Variants in ERC2 observed in about 807,000 individuals in gnomAD.
The protein encoded by ERC2 is ERC protein 2.
In ERC2, 42 loss-of-function variants were observed where a neutral mutation model predicts 114.8. That is an observed-to-expected ratio of 0.37 (90% CI 0.29 to 0.47). ERC2 has a LOEUF of 0.47. ERC2 is among the 20% of genes least tolerant of loss of function. The pLI is 0.99. For missense variants in ERC2, 939 were observed against 1,150.7 expected (o/e 0.82, Z 2.66); for synonymous variants, 454 against 425.5 (o/e 1.07, Z -0.82).
intron 17 of ERC2, among the ~76,000 whole-genome samples, chr3:55,666,935 C>T (rs1408837642): frequency 6.7e-6 from 1 of 149,726 alleles, no homozygotes; most frequent in South Asian, 2.1e-4. Context: ...TATTAATATA[C>T]ATAATATTAG....
intron 3 of ERC2, among the ~76,000 whole-genome samples, chr3:56,233,937 G>C (rs1258794001): frequency 6.6e-6 from 1 of 152,132 alleles, no homozygotes; most frequent in East Asian, 1.9e-4. Context: ...GGGCTCACTT[G>C]TATAATCTAG....
intron 17 of ERC2, among the ~76,000 whole-genome samples, chr3:55,632,310 G>T (rs2059788172): frequency 6.6e-6 from 1 of 152,222 alleles, no homozygotes; most frequent in East Asian, 1.9e-4. Flanking sequence ...TCTTGGTCCA[G>T]TTGTACCTGA....
At chr3:55,783,050 T>G (rs1286610673) in intron 14 of ERC2, among the ~76,000 whole-genome samples, 1 of 152,224 alleles carries the variant, frequency 6.6e-6, no homozygotes, top group African/African-American at 2.4e-5. Flanking sequence ...TGCCACAGAA[T>G]GGGGCACTTT....
chr3:56,038,750 G>A (rs991694936), intron 7 of ERC2, among the ~76,000 whole-genome samples: 1 of 152,174 alleles, frequency 6.6e-6, no homozygotes, highest in Non-Finnish European at 1.5e-5. Flanking sequence ...ATATTATGCA[G>A]CCATAAAAAG....
chr3:55,880,796 A>G (rs932253021), intron 14 of ERC2, among the ~76,000 whole-genome samples: 4 of 152,092 alleles, frequency 2.6e-5, no homozygotes, highest in African/African-American at 7.2e-5. Context: ...ATAGCAAAAA[A>G]AAAAAAGAAA....
chr3:56,065,233 T>C (rs1394754845), intron 7 of ERC2, among the ~76,000 whole-genome samples: 1 of 152,142 alleles, frequency 6.6e-6, no homozygotes, highest in Non-Finnish European at 1.5e-5. Flanking sequence ...TTTTTTTTCT[T>C]TATTTTATGA....
At chr3:55,722,493 A>G (rs565965253) in intron 15 of ERC2, among the ~76,000 whole-genome samples, 4 of 152,170 alleles carry the variant, frequency 2.6e-5, no homozygotes, top group African/African-American at 7.2e-5. Flanking sequence ...CAGCTCCCCA[A>G]ATCCCTCATA....
intron 14 of ERC2, among the ~76,000 whole-genome samples, chr3:55,773,086 A>T (rs917805895): frequency 6.6e-6 from 1 of 152,210 alleles, no homozygotes; most frequent in African/African-American, 2.4e-5. Flanking sequence ...ACATTGGAGC[A>T]AGTGATTCCT....
At chr3:56,375,726 A>G (rs2059515516) in intron 2 of ERC2, among the ~76,000 whole-genome samples, 1 of 152,228 alleles carries the variant, frequency 6.6e-6, no homozygotes, top group Admixed American at 6.5e-5. Flanking sequence ...ACCTCCTGGT[A>G]TGCATGCTCT....
At chr3:56,171,843 CTT>C (rs34797642) in intron 4 of ERC2, among the ~76,000 whole-genome samples, 2 of 139,230 alleles carry the variant, frequency 1.4e-5, no homozygotes, top group Admixed American at 7.2e-5. Context: ...GAAACTCGCT[CTT>C]TTTTTTTTTT....
At chr3:55,554,571 T>C (rs2055462692) in intron 17 of ERC2, among the ~76,000 whole-genome samples, 1 of 152,236 alleles carries the variant, frequency 6.6e-6, no homozygotes, top group South Asian at 2.1e-4. Flanking sequence ...GGGGTGTGGA[T>C]GGTCTCAGGC....
intron 1 of ERC2, among the ~76,000 whole-genome samples, chr3:56,459,162 T>C (rs1367972009): frequency 6.6e-6 from 1 of 152,084 alleles, no homozygotes; most frequent in African/African-American, 2.4e-5. Flanking sequence ...ACCACACCTA[T>C]CTTATTATAG....
intron 14 of ERC2, among the ~76,000 whole-genome samples, chr3:55,738,923 C>A (rs2065810312): frequency 6.6e-6 from 1 of 152,140 alleles, no homozygotes; most frequent in Admixed American, 6.5e-5. Context: ...CCACCAACCC[C>A]TGACAGGCCC....
chr3:55,613,657 G>T (rs1001055724), intron 17 of ERC2, among the ~76,000 whole-genome samples: 1 of 152,074 alleles, frequency 6.6e-6, no homozygotes, highest in Admixed American at 6.6e-5. Context: ...AAGAAGTCGG[G>T]ATAATGGCAA....
At chr3:56,380,871 A>C (rs1421252932) in intron 2 of ERC2, among the ~76,000 whole-genome samples, 2 of 152,208 alleles carry the variant, frequency 1.3e-5, no homozygotes, top group Non-Finnish European at 2.9e-5. Flanking sequence ...CCTGTTAAAC[A>C]ATTCAAAATT....
chr3:55,887,401 A>G (rs1440624420), intron 14 of ERC2, among the ~76,000 whole-genome samples: 4 of 152,128 alleles, frequency 2.6e-5, no homozygotes, highest in African/African-American at 9.7e-5. Flanking sequence ...AATGCTAACC[A>G]TGTGTAAGGC....
chr3:56,008,402 G>C (rs901096823), intron 9 of ERC2, among the ~76,000 whole-genome samples: 1 of 152,292 alleles, frequency 6.6e-6, no homozygotes, highest in Admixed American at 6.5e-5. Flanking sequence ...CACTTAGCTA[G>C]TAAAGGCAGA....
At position 56,296,118 on chromosome 3, in the gene ERC2, G is replaced by T. The variant is rs748615051; in HGVS notation, c.975C>A (p.Asp325Glu). 2.5e-6 allele frequency: 4 copies of T among 1,613,962 alleles called. No individual in the cohort carries two copies. The South Asian group carries it at 4.4e-5, about 18-fold the overall frequency. ...KGLPSKSLED[D>E]NERTRRMAEA... ...CTGCCATCCGCCGCGTTCGCTCATT[G>T]TCATCCTCCAGGCTTTTGGATGGCA... The change falls in exon 3 of 18, where the codon GAC becomes GAA. Residue 325 changes from aspartate (D) to glutamate (E), a missense_variant. This residue lies in a region of ERC2 where 148 missense variants were observed against 159.1 expected (regional missense o/e 0.93). Coordinates refer to ENST00000288221, the MANE Select transcript of ERC2 (RefSeq NM_015576.3).
chr3:55,718,986 T>C (rs1325748881), intron 15 of ERC2, among the ~76,000 whole-genome samples: 1 of 152,150 alleles, frequency 6.6e-6, no homozygotes, highest in African/African-American at 2.4e-5. Context: ...AAAAATTATG[T>C]CCCATTCTGA....
Sources: gnomAD v4.1 joint callset for allele counts (sites outside exome capture counted in the v4.1 genomes callset) on GRCh38, gnomAD v4.1.1 for gene constraint, gnomAD v4.1.1 regional missense constraint, MANE v1.5 for transcripts, NCBI Gene and HGNC (gene_info 2026-07-23, HGNC 2026-07-21) for gene names.